The following ELP4 variants were observed in gnomAD, a reference collection of about 807,000 sequenced individuals.
ELP4 encodes the protein elongator complex protein 4.
ELP4 carries 51 observed loss-of-function variants against 48.9 expected under a neutral mutation model. The ratio of observed to expected loss-of-function variants is 1.04; its 90% CI spans 0.83 to 1.32. The LOEUF (loss-of-function observed/expected upper bound fraction) is 1.32, where lower values mean the gene tolerates loss of function less well. ELP4 is among the 40% of genes most tolerant of loss of function. The probability of loss-of-function intolerance (pLI) is 0.00; values close to 1 mark genes in which losing one functional copy is unlikely to be tolerated. For missense variants in ELP4, 519 were observed against 514.6 expected (o/e 1.01, Z -0.08); for synonymous variants, 210 against 189.2 (o/e 1.11, Z -0.90).
At chr11:31,562,935 T>G (rs990212376) in intron 3 of ELP4, among the ~76,000 whole-genome samples, 1 of 152,164 alleles carries the variant, frequency 6.6e-6, no homozygotes, top group Non-Finnish European at 1.5e-5. Flanking sequence ...TATTAATACA[T>G]GGATACTCAG....
At chr11:31,608,257 T>C (rs1957910674) in intron 5 of ELP4, among the ~76,000 whole-genome samples, 1 of 151,362 alleles carries the variant, frequency 6.6e-6, no homozygotes, top group South Asian at 2.1e-4. Flanking sequence ...GAGAAGTGTA[T>C]GGGGGTTAGG....
intron 9 of ELP4, among the ~76,000 whole-genome samples, chr11:31,755,895 A>C (rs539774306): frequency 6.6e-6 from 1 of 152,174 alleles, no homozygotes; most frequent in East Asian, 1.9e-4. Context: ...TTCTCACCAA[A>C]TCTTCATTTA....
intron 9 of ELP4, among the ~76,000 whole-genome samples, chr11:31,700,838 T>C (rs1946506444): frequency 1.3e-5 from 2 of 152,218 alleles, no homozygotes; most frequent in Admixed American, 6.5e-5. Flanking sequence ...CTCATTGGTA[T>C]GCAATGAGAA....
intron 9 of ELP4, among the ~76,000 whole-genome samples, chr11:31,762,384 T>G (rs1947962091): frequency 6.6e-6 from 1 of 152,146 alleles, no homozygotes; most frequent in Non-Finnish European, 1.5e-5. Flanking sequence ...TTTATTACCT[T>G]ACAGAAATCT....
intron 3 of ELP4, among the ~76,000 whole-genome samples, chr11:31,575,823 C>T (rs1016231583): frequency 6.6e-6 from 1 of 152,140 alleles, no homozygotes; most frequent in African/African-American, 2.4e-5. Flanking sequence ...CCGGTACTAG[C>T]CACTGCAAAA....
intron 9 of ELP4, among the ~76,000 whole-genome samples, chr11:31,731,459 A>G (rs1053415522): frequency 4.6e-5 from 7 of 152,180 alleles, no homozygotes; most frequent in African/African-American, 1.7e-4. Flanking sequence ...AAGCTGAAGA[A>G]AGAACCAACA....
intron 3 of ELP4, among the ~76,000 whole-genome samples, chr11:31,565,996 T>C (rs193239354): frequency 2.4e-3 from 373 of 152,326 alleles, no homozygotes; most frequent in Middle Eastern, 0.01. Flanking sequence ...TGATTCTTCC[T>C]AACCATGAGC....
At chr11:31,709,145 A>T (rs1946690802) in intron 9 of ELP4, among the ~76,000 whole-genome samples, 4 of 152,174 alleles carry the variant, frequency 2.6e-5, no homozygotes, top group Admixed American at 2.6e-4. Context: ...GAGTGAAAGA[A>T]TATAAGTTCA....
At chr11:31,668,675 CGTGT>C (rs367795416) in intron 9 of ELP4, among the ~76,000 whole-genome samples, 2,055 of 121,052 alleles carry the variant, frequency 0.017, 87 homozygotes, top group Non-Finnish European at 0.022. Flanking sequence ...CCTTTGGTAC[CGTGT>C]GTGTGTGTGT....
chr11:31,596,933 T>C (rs1957679842), intron 4 of ELP4, among the ~76,000 whole-genome samples: 1 of 152,156 alleles, frequency 6.6e-6, no homozygotes, highest in African/African-American at 2.4e-5. Context: ...GAAATTCAAA[T>C]GAAAACTACA....
At chr11:31,620,778 C>T (rs1458472266) in intron 5 of ELP4, among the ~76,000 whole-genome samples, 2 of 151,946 alleles carry the variant, frequency 1.3e-5, no homozygotes, top group Non-Finnish European at 2.9e-5. Context: ...TCAGAACCTG[C>T]ATTGCTTAGA....
chr11:31,729,925 A>G (rs897639837), intron 9 of ELP4, among the ~76,000 whole-genome samples: 2 of 152,238 alleles, frequency 1.3e-5, no homozygotes, highest in Non-Finnish European at 2.9e-5. Flanking sequence ...AAGGAAGCCA[A>G]CTTAAGAAAA....
At position 31,789,424 on chromosome 11, in the gene ELP4, G is replaced by C. The variant is rs1313607001; in HGVS notation, c.*5900G>C. 2.5e-6 allele frequency: 1 copy of C among 397,892 alleles called. No homozygotes were observed. The highest frequency in any genetic ancestry group is 4.4e-6 in the Non-Finnish European group (1 of 225,696). 24.6% of individuals were successfully genotyped at this position (397,892 alleles called of 1,614,324 possible). A position where few individuals can be genotyped will look rare whatever the true frequency, so the allele number is the denominator to read the frequency against. On this transcript the variant is annotated 3_prime_UTR_variant, in exon 10 of 10. Coordinates refer to ENST00000640961, the MANE Select transcript of ELP4 (RefSeq NM_019040.5). Reference sequence around the variant, plus strand: ...AACAGATATTTCTGACATAAATCTAGTGCATGTTGTTCCAGGTTTAATTAT... The same window carrying C: ...AACAGATATTTCTGACATAAATCTACTGCATGTTGTTCCAGGTTTAATTAT...
chr11:31,771,708 A>ATG (rs1948146053), intron 9 of ELP4, among the ~76,000 whole-genome samples: 1 of 152,158 alleles, frequency 6.6e-6, no homozygotes, highest in African/African-American at 2.4e-5. Context: ...GGCCGGGCTC[A>ATG]GTGGCTCACG....
chr11:31,531,445 G>T (rs1956394300), intron 2 of ELP4, among the ~76,000 whole-genome samples: 1 of 152,166 alleles, frequency 6.6e-6, no homozygotes, highest in Admixed American at 6.5e-5. Context: ...TTAAGAGGGT[G>T]CTCCAGAGCA....
chr11:31,697,383 A>C lies in ELP4; in HGVS notation c.1143+47162A>C, dbSNP rs556437961. 1.7e-4 allele frequency among the ~76,000 whole-genome samples: 26 copies of C among 152,248 alleles called. 1 individual carries two copies. The East Asian group carries it at 4.3e-3, about 25-fold the overall frequency. ...GCTTTCATTTCAGTTTCTGTATTAT[A>C]ATGGAAGAGGAAAGCCTCTTTTTTG... is the stretch of plus-strand genomic sequence containing the variant. On this transcript the variant is annotated intron_variant, in intron 9 of 9. Coordinates refer to ENST00000640961, the MANE Select transcript of ELP4 (RefSeq NM_019040.5).
chr11:31,771,079 T>G (rs775663397), intron 9 of ELP4, among the ~76,000 whole-genome samples: 1 of 152,020 alleles, frequency 6.6e-6, no homozygotes, highest in African/African-American at 2.4e-5. Flanking sequence ...CAGCAAACCA[T>G]CCCCACAACA....
chr11:31,531,014 G>A (rs1160186595), intron 2 of ELP4, among the ~76,000 whole-genome samples: 1 of 151,870 alleles, frequency 6.6e-6, no homozygotes, highest in African/African-American at 2.4e-5. Flanking sequence ...AGTGTTATGG[G>A]GATTCACTAA....
At chr11:31,678,290 A>C (rs969543633) in intron 9 of ELP4, among the ~76,000 whole-genome samples, 1 of 151,990 alleles carries the variant, frequency 6.6e-6, no homozygotes, top group East Asian at 1.9e-4. Flanking sequence ...TCTGCAAAAA[A>C]TTTTAAAAAT....
Sources: allele counts gnomAD v4.1 joint callset (sites outside exome capture counted in the v4.1 genomes callset), GRCh38; gene constraint gnomAD v4.1.1; transcripts MANE v1.5; gene names NCBI Gene and HGNC (gene_info 2026-07-23, HGNC 2026-07-21).